GAD2: variants seen among roughly 807,000 people sequenced by gnomAD.
GAD2 encodes glutamate decarboxylase 2.
GAD2 carries 22 observed loss-of-function variants against 80.1 expected under a neutral mutation model. That is an observed-to-expected ratio of 0.27 (90% CI 0.20 to 0.39). The LOEUF is 0.39. GAD2 is among the 10% of genes least tolerant of loss of function. The probability of loss-of-function intolerance (pLI) is 1.00; values close to 1 mark genes in which losing one functional copy is unlikely to be tolerated. For missense variants in GAD2, 624 were observed against 738.4 expected (o/e 0.85, Z 1.80); for synonymous variants, 274 against 256.9 (o/e 1.07, Z -0.64).
chr10:26,289,312 A>C (rs1414324325), intron 13 of GAD2, among the ~76,000 whole-genome samples: 1 of 152,150 alleles, frequency 6.6e-6, no homozygotes, highest in Non-Finnish European at 1.5e-5. Context: ...ATTAAGGAGG[A>C]GAAGGAGGAA....
At chr10:26,265,981 G>A (rs1845068335) in intron 8 of GAD2, among the ~76,000 whole-genome samples, 1 of 152,214 alleles carries the variant, frequency 6.6e-6, no homozygotes, top group African/African-American at 2.4e-5. Flanking sequence ...CATATGAGAA[G>A]TACTTAGTGT....
chr10:26,287,227 C>T (rs1047763899), intron 13 of GAD2, among the ~76,000 whole-genome samples: 10 of 152,100 alleles, frequency 6.6e-5, no homozygotes, highest in Admixed American at 5.9e-4. Context: ...CCTGCCCATC[C>T]GGCTTCATTT....
chr10:26,256,556 C>G (rs1438671106), intron 8 of GAD2, among the ~76,000 whole-genome samples: 5 of 152,178 alleles, frequency 3.3e-5, no homozygotes, highest in African/African-American at 1.2e-4. Flanking sequence ...CCTCTGCCTG[C>G]CTTTGTCTCT....
In GAD2 at chr10:26,219,072, C is replaced by A. The variant is rs774348551; in HGVS notation, c.316C>A (p.Pro106Thr). The change falls in exon 4 of 16, where the codon CCC becomes ACC. Residue 106 changes from proline (P) to threonine (T), a missense_variant. By Grantham distance (38) the Pro-to-Thr change is conservative. Transcript: ENST00000376261. ...DLLPACDGER[P>T]TLAFLQDVMN... Reference sequence around the variant, plus strand: ...GCTGCCGGCGTGTGATGGAGAAAGGCCCACTTTGGCGTTTCTGCAAGATGT... The same window carrying A: ...GCTGCCGGCGTGTGATGGAGAAAGGACCACTTTGGCGTTTCTGCAAGATGT... 1 of 1,592,276 alleles carries A rather than the reference C, an allele frequency of 6.3e-7. No homozygotes were observed. The highest frequency in any genetic ancestry group is 8.6e-7 in the Non-Finnish European group (1 of 1,168,074).
At chr10:26,232,842 A>C (rs1033467415) in intron 7 of GAD2, among the ~76,000 whole-genome samples, 1 of 152,180 alleles carries the variant, frequency 6.6e-6, no homozygotes, top group Non-Finnish European at 1.5e-5. Flanking sequence ...ATTCGGCCGT[A>C]TAACAACCAT....
At chr10:26,220,262 A>T (rs1844436480) in intron 4 of GAD2, among the ~76,000 whole-genome samples, 2 of 152,228 alleles carry the variant, frequency 1.3e-5, no homozygotes, top group Admixed American at 6.5e-5. Flanking sequence ...CCTTTAAAAG[A>T]TTTGCTAGCA....
chr10:26,228,138 G>A (rs1564656945), intron 6 of GAD2, among the ~76,000 whole-genome samples: 1 of 152,218 alleles, frequency 6.6e-6, no homozygotes. Context: ...AGGAGGTAGA[G>A]GCAGTACCTT....
chr10:26,218,170 GC>G (rs1471327660), intron 3 of GAD2, 179 bp downstream of exon 3: 1 of 635,126 alleles, frequency 1.6e-6, no homozygotes, highest in East Asian at 3.2e-5. Context: ...CTGGGTCCAA[GC>G]CCCCGAACCT....
intron 15 of GAD2, among the ~76,000 whole-genome samples, chr10:26,295,272 A>G (rs940347333): frequency 2.6e-5 from 4 of 152,204 alleles, no homozygotes; most frequent in African/African-American, 9.7e-5. Flanking sequence ...CAATTCAAAT[A>G]TGAAAATCTC....
intron 13 of GAD2, 116 bp downstream of exon 13, chr10:26,286,610 G>A: frequency 9.1e-7 from 1 of 1,094,140 alleles, no homozygotes; most frequent in Non-Finnish European, 1.3e-6. Flanking sequence ...CCCAAGATTT[G>A]CTTTCTTTAA....
chr10:26,262,860 T>C lies in GAD2; in HGVS notation c.921-6259T>C, dbSNP rs538769597. ...CCTTTTATCATAATCCTTTTTTTTT[T>C]TTCCTCTCTACAGATACATTTAGGG... On this transcript the variant is annotated intron_variant, in intron 8 of 15. Coordinates refer to ENST00000376261, the MANE Select transcript of GAD2 (RefSeq NM_001134366.2). 1.1e-4 allele frequency among the ~76,000 whole-genome samples: 16 copies of C among 152,276 alleles called. No individual in the cohort carries two copies. The East Asian group carries it at 3.1e-3, about 29-fold the overall frequency.
At chr10:26,257,154 A>G (rs930264393) in intron 8 of GAD2, among the ~76,000 whole-genome samples, 2 of 152,186 alleles carry the variant, frequency 1.3e-5, no homozygotes, top group Non-Finnish European at 1.5e-5. Context: ...AGGCAGGCAT[A>G]TCACCTGAGG....
intron 15 of GAD2, among the ~76,000 whole-genome samples, chr10:26,294,247 G>C (rs1052775902): frequency 1.3e-5 from 2 of 152,200 alleles, no homozygotes; most frequent in Non-Finnish European, 2.9e-5. Flanking sequence ...AGGAGCTTGG[G>C]CTGTCTCACT....
At chr10:26,251,851 G>C (rs1372291673) in intron 8 of GAD2, among the ~76,000 whole-genome samples, 1 of 152,206 alleles carries the variant, frequency 6.6e-6, no homozygotes, top group Non-Finnish European at 1.5e-5. Context: ...TGTGACATGA[G>C]TTTAAGACTG....
chr10:26,294,811 G>C (rs1834255661), intron 15 of GAD2, among the ~76,000 whole-genome samples: 2 of 152,160 alleles, frequency 1.3e-5, no homozygotes, highest in South Asian at 4.1e-4. Flanking sequence ...ACGAGAATAG[G>C]GGGTGCGGGT....
At chr10:26,264,817 C>T (rs374610463) in intron 8 of GAD2, among the ~76,000 whole-genome samples, 19 of 152,258 alleles carry the variant, frequency 1.2e-4, no homozygotes, top group East Asian at 7.7e-4. Context: ...GAAGGATGTA[C>T]GCATACTTTC....
intron 7 of GAD2, among the ~76,000 whole-genome samples, chr10:26,238,808 C>A (rs538522604): frequency 5.6e-4 from 86 of 152,280 alleles, no homozygotes; most frequent in African/African-American, 2.0e-3. Context: ...GGCCAGCTGG[C>A]GAGCAGAAGT....
chr10:26,263,130 G>A (rs2132299934), intron 8 of GAD2, among the ~76,000 whole-genome samples: 1 of 152,162 alleles, frequency 6.6e-6, no homozygotes, highest in South Asian at 2.1e-4. Flanking sequence ...AAAGTCAATG[G>A]GAAGAATAAA....
chr10:26,256,393 T>A (rs1342157915), intron 8 of GAD2, among the ~76,000 whole-genome samples: 2 of 152,188 alleles, frequency 1.3e-5, no homozygotes, highest in Non-Finnish European at 1.5e-5. Context: ...TCAGGAAATG[T>A]GACATAGATA....
Sources: allele counts gnomAD v4.1 joint callset (sites outside exome capture counted in the v4.1 genomes callset), GRCh38; gene constraint gnomAD v4.1.1; transcripts MANE v1.5; gene names NCBI Gene and HGNC (gene_info 2026-07-23, HGNC 2026-07-21).